Variants in CDH8 observed in about 807,000 individuals in gnomAD.
The protein encoded by CDH8 is cadherin-8.
Under a neutral mutation model 68.1 loss-of-function variants are expected in CDH8, and 17 were observed. That is an observed-to-expected ratio of 0.25 (90% confidence interval 0.17 to 0.37). The LOEUF is 0.37. Among genes scored for constraint, CDH8 ranks in the 10% least tolerant of loss-of-function variants. The pLI, the probability that CDH8 is intolerant of heterozygous loss-of-function variation, is 1.00. For missense variants in CDH8, 763 were observed against 999.3 expected (o/e 0.76, Z 3.19); for synonymous variants, 372 against 365.1 (o/e 1.02, Z -0.21).
At chr16:61,890,077 C>T (rs1963746468) in intron 3 of CDH8, among the ~76,000 whole-genome samples, 1 of 152,110 alleles carries the variant, frequency 6.6e-6, no homozygotes, top group Admixed American at 6.6e-5. Context: ...GGTTGAAATG[C>T]TGACCATAAA....
chr16:61,970,449 T>C (rs897047520), intron 2 of CDH8, among the ~76,000 whole-genome samples: 6 of 152,176 alleles, frequency 3.9e-5, no homozygotes, highest in South Asian at 2.1e-4. Flanking sequence ...TTTTTGACAA[T>C]GTATATGTGT....
chr16:61,864,566 T>C (rs914998464), intron 3 of CDH8, among the ~76,000 whole-genome samples: 6 of 152,188 alleles, frequency 3.9e-5, no homozygotes, highest in Non-Finnish European at 1.5e-5. Context: ...CCCTAAATTC[T>C]ACCAGTATTT....
chr16:62,013,687 C>T (rs550290077), intron 2 of CDH8, among the ~76,000 whole-genome samples: 7 of 152,216 alleles, frequency 4.6e-5, no homozygotes, highest in African/African-American at 9.6e-5. Flanking sequence ...TATTCTGTCA[C>T]GTGAATATGC....
At chr16:61,906,927 G>A (rs1964072155) in intron 2 of CDH8, among the ~76,000 whole-genome samples, 1 of 152,142 alleles carries the variant, frequency 6.6e-6, no homozygotes, top group African/African-American at 2.4e-5. Flanking sequence ...AAGATGGGTA[G>A]GTGATAGATG....
At chr16:62,003,507 C>T (rs1452624570) in intron 2 of CDH8, among the ~76,000 whole-genome samples, 3 of 150,166 alleles carry the variant, frequency 2.0e-5, no homozygotes, top group South Asian at 2.2e-4. Flanking sequence ...TACTTGTATG[C>T]GTGAACAGTT....
intron 2 of CDH8, among the ~76,000 whole-genome samples, chr16:61,964,287 G>T (rs1965209341): frequency 6.6e-6 from 1 of 152,138 alleles, no homozygotes; most frequent in Non-Finnish European, 1.5e-5. Context: ...CCAGTTCAGG[G>T]TTGAGGATGG....
intron 8 of CDH8, among the ~76,000 whole-genome samples, chr16:61,765,461 C>A (rs1322929638): frequency 6.6e-6 from 1 of 151,928 alleles, no homozygotes; most frequent in Non-Finnish European, 1.5e-5. Flanking sequence ...TTCAGCTTTA[C>A]CCCACATCTG....
chr16:61,788,921 A>G (rs895194838), intron 8 of CDH8, among the ~76,000 whole-genome samples: 3 of 152,018 alleles, frequency 2.0e-5, no homozygotes, highest in African/African-American at 7.2e-5. Flanking sequence ...GCTTCCATCT[A>G]TATTTTCCAC....
intron 4 of CDH8, among the ~76,000 whole-genome samples, chr16:61,830,960 C>T (rs1374119707): frequency 1.3e-5 from 2 of 151,714 alleles, no homozygotes; most frequent in Admixed American, 6.6e-5. Context: ...TAGATTTAGA[C>T]CATTTCATAA....
chr16:61,866,937 G>GT (rs1033907206), intron 3 of CDH8, among the ~76,000 whole-genome samples: 5 of 151,676 alleles, frequency 3.3e-5, no homozygotes, highest in Admixed American at 1.3e-4. Flanking sequence ...GTGGCTGTTC[G>GT]TTTTTTTTGT....
At chr16:61,790,893 AT>A (rs1485374591) in intron 7 of CDH8, among the ~76,000 whole-genome samples, 5 of 151,844 alleles carry the variant, frequency 3.3e-5, no homozygotes, top group South Asian at 2.1e-4. Context: ...ATATTAATGG[AT>A]TTTTCCTTCT....
chr16:61,960,026 A>AT lies in CDH8; in HGVS notation c.253-58554_253-58553insA, dbSNP rs1965077290. On this transcript the variant is annotated intron_variant, in intron 2 of 11. Transcript: ENST00000577390. ...TATATATATATATATACACACATAC[A>AT]CACACACACACAACATATATGTATG... Among the ~76,000 whole-genome samples the AT allele has an allele frequency of 7.7e-5, 3 of 39,098 alleles. 1 individual carries two copies. The highest frequency in any genetic ancestry group is 7.6e-4 in the African/African-American group (3 of 3,930). 25.6% of individuals were successfully genotyped at this position (39,098 alleles called of 152,430 possible).
At chr16:61,787,128 G>T (rs987787868) in intron 8 of CDH8, among the ~76,000 whole-genome samples, 2 of 151,552 alleles carry the variant, frequency 1.3e-5, no homozygotes, top group Non-Finnish European at 2.9e-5. Context: ...CACAGCAAAA[G>T]AAACTACCAT....
chr16:61,768,823 T>A (rs1008897712), intron 8 of CDH8, among the ~76,000 whole-genome samples: 1 of 151,910 alleles, frequency 6.6e-6, no homozygotes, highest in Middle Eastern at 3.4e-3. Context: ...ACAGTAACAA[T>A]CCTTATTGTT....
chr16:61,722,235 CT>C (rs559925732), intron 9 of CDH8, among the ~76,000 whole-genome samples: 1 of 150,852 alleles, frequency 6.6e-6, no homozygotes, highest in South Asian at 2.1e-4. Context: ...AGAAGACTGC[CT>C]TCATGCCCAG....
At chr16:61,868,784 C>A (rs552493385) in intron 3 of CDH8, among the ~76,000 whole-genome samples, 2 of 152,218 alleles carry the variant, frequency 1.3e-5, no homozygotes, top group African/African-American at 2.4e-5. Context: ...TACATGCATG[C>A]TTAGAGAGAG....
At chr16:61,690,504 T>C (rs1964198477) in intron 10 of CDH8, among the ~76,000 whole-genome samples, 1 of 152,084 alleles carries the variant, frequency 6.6e-6, no homozygotes, top group African/African-American at 2.4e-5. Context: ...CATGATAAGA[T>C]CTTCAGGGTT....
intron 3 of CDH8, among the ~76,000 whole-genome samples, chr16:61,866,851 C>T (rs1963264615): frequency 6.6e-6 from 1 of 152,150 alleles, no homozygotes; most frequent in Non-Finnish European, 1.5e-5. Context: ...CTCTCCAGAG[C>T]AAGCTACTTT....
chr16:61,825,012 T>C lies in CDH8; in HGVS notation c.835A>G (p.Ser279Gly). ...CATCCAGTGCAGGAAATTAACTTAC[T>C]CTGTGCAAATTTTGGAGGATTGTCA... ...VNDNPPKFAQ[S>G]LYHFSVPEDV... Residue 279 changes from serine (S) to glycine (G), a missense_variant and splice_region_variant, in exon 5 of 12, where the codon AGC (serine) becomes GGC (glycine). Ser to Gly is a moderately conservative substitution (Grantham distance 56, BLOSUM62 0). Around this residue, in one of 2 missense-constraint regions of CDH8, gnomAD observed 366 missense variants for 563.1 expected, o/e 0.65. Coordinates refer to ENST00000577390, the MANE Select transcript of CDH8 (RefSeq NM_001796.5). The C allele has an allele frequency of 6.2e-7, 1 of 1,609,986 alleles. No homozygotes were observed. The highest frequency in any genetic ancestry group is 8.5e-7 in the Non-Finnish European group (1 of 1,177,226).
Sources: allele counts gnomAD v4.1 joint callset (sites outside exome capture counted in the v4.1 genomes callset), GRCh38; gene constraint gnomAD v4.1.1; regional missense constraint gnomAD v4.1.1; transcripts MANE v1.5; gene names NCBI Gene and HGNC (gene_info 2026-07-23, HGNC 2026-07-21).